The following SSB variants were observed in gnomAD, a reference collection of about 807,000 sequenced individuals.
The protein encoded by SSB is small RNA binding exonuclease protection factor La, also known as lupus La protein.
SSB carries 17 observed loss-of-function variants against 52.9 expected under a neutral mutation model. That is an observed-to-expected ratio of 0.32 (90% CI 0.22 to 0.48). SSB has a LOEUF of 0.48. Ranked by LOEUF, SSB falls within the 20% of genes least tolerant of loss-of-function variation. The pLI is 0.99. For missense variants in SSB, 314 were observed against 463.6 expected (o/e 0.68, Z 2.96); for synonymous variants, 111 against 152.1 (o/e 0.73, Z 1.99).
chr2:169,804,795 T>A (rs565454164), intron 2 of SSB, among the ~76,000 whole-genome samples: 1 of 150,278 alleles, frequency 6.7e-6, no homozygotes, highest in East Asian at 2.0e-4. Context: ...GTGCAGGGAT[T>A]ACAGGCGTGC....
intron 9 of SSB, 173 bp from the exon 10 acceptor site, chr2:169,810,685 T>C (rs1453593615): frequency 1.4e-6 from 1 of 689,874 alleles, no homozygotes; most frequent in Non-Finnish European, 2.4e-6. Context: ...CTGTTCATAC[T>C]GATGATTGCA....
In SSB at chr2:169,798,919, C is replaced by CGTTGCT. The variant is rs1304038128; in HGVS notation, c.-57_-52dup. The CGTTGCT allele has an allele frequency of 1.3e-5, 2 of 152,230 alleles. No homozygotes were observed. Among genetic ancestry groups the CGTTGCT allele is most frequent in the Admixed American group, 1.3e-4 (2 of 15,252 alleles). 9.4% of individuals were successfully genotyped at this position (152,230 alleles called of 1,614,324 possible). ...GGCCGGCGGCGCTGGGAGGTGGAGT[C>CGTTGCT]GTTGCTGTTGCTGTTTGTGAGCCTG... On this transcript the variant is annotated 5_prime_UTR_variant, in exon 1 of 12. Coordinates refer to ENST00000260956, the MANE Select transcript of SSB (RefSeq NM_003142.5).
chr2:169,807,189 C>T (rs1689847416), intron 6 of SSB, 118 bp downstream of exon 6: 3 of 752,644 alleles, frequency 4.0e-6, no homozygotes, highest in Non-Finnish European at 6.7e-6. Flanking sequence ...TTTAGATGAC[C>T]TTTGAGAAAT....
At chr2:169,799,870 G>T (rs1414525324) in intron 1 of SSB, among the ~76,000 whole-genome samples, 1 of 152,076 alleles carries the variant, frequency 6.6e-6, no homozygotes, top group African/African-American at 2.4e-5. Flanking sequence ...CAATATTCTC[G>T]ATGATTTGTT....
At chr2:169,802,409 G>T (rs1305403609) in intron 2 of SSB, among the ~76,000 whole-genome samples, 3 of 149,458 alleles carry the variant, frequency 2.0e-5, no homozygotes, top group Non-Finnish European at 4.4e-5. Context: ...GCAATTCTCA[G>T]AACTGCTTTT....
chr2:169,800,192 C>T (rs942366381), intron 1 of SSB, among the ~76,000 whole-genome samples: 2 of 152,104 alleles, frequency 1.3e-5, no homozygotes, highest in African/African-American at 4.8e-5. Flanking sequence ...GTTATGATGT[C>T]TAACTTGGTA....
intron 9 of SSB, 182 bp downstream of exon 9, chr2:169,810,605 T>A: frequency 1.4e-6 from 1 of 692,426 alleles, no homozygotes; most frequent in Non-Finnish European, 2.4e-6. Flanking sequence ...AGTTTCTACT[T>A]GATCATTTAC....
chr2:169,800,637 T>C (rs1333531792), intron 1 of SSB, among the ~76,000 whole-genome samples: 1 of 151,610 alleles, frequency 6.6e-6, no homozygotes, highest in African/African-American at 2.4e-5. Flanking sequence ...TGGAAATGGT[T>C]GGTAAGTGAT....
chr2:169,810,783 A>G, intron 9 of SSB, 75 bp from the exon 10 acceptor site: 1 of 1,448,944 alleles, frequency 6.9e-7, no homozygotes, highest in South Asian at 1.3e-5. Flanking sequence ...GGTAGAAAAA[A>G]TTACTTTGGA....
chr2:169,807,288 TTC>T (rs1689848968), intron 6 of SSB, among the ~76,000 whole-genome samples: 1 of 152,050 alleles, frequency 6.6e-6, no homozygotes, highest in Non-Finnish European at 1.5e-5. Context: ...CAATTTTTTT[TTC>T]TTTTTCTTTT....
intron 6 of SSB, 74 bp downstream of exon 6, chr2:169,807,145 T>C: frequency 8.1e-7 from 1 of 1,231,906 alleles, no homozygotes; most frequent in South Asian, 1.3e-5. Context: ...AGCATGGAAG[T>C]AGTATCCCCT....
At chr2:169,805,340 G>A (rs1038485730) in intron 2 of SSB, 134 bp from the exon 3 acceptor site, 4 of 617,642 alleles carry the variant, frequency 6.5e-6, no homozygotes, top group Non-Finnish European at 1.1e-5. Flanking sequence ...AAACATTATT[G>A]TATATTTGGG....
Position 169,806,965 on chromosome 2 carries a change from T to C in SSB, c.454-6T>C. On this transcript the variant is annotated splice_polypyrimidine_tract_variant and splice_region_variant and intron_variant, in intron 5 of 11. Transcript: ENST00000260956. ...CTTAAAAAAATATTTTCCTTCCTTT[T>C]TACAGGGATCAATTTTTGTTGTGTT... The C allele has an allele frequency of 6.2e-7, 1 of 1,613,082 alleles. No homozygotes were observed. Among genetic ancestry groups the C allele is most frequent in the East Asian group, 2.2e-5 (1 of 44,808 alleles).
intron 7 of SSB, 77 bp downstream of exon 7, chr2:169,808,630 A>G (rs956428225): frequency 2.4e-5 from 32 of 1,347,230 alleles, no homozygotes; most frequent in Non-Finnish European, 3.1e-5. Context: ...TGAGCTCTGA[A>G]ATAGTGGCAG....
chr2:169,808,984 AAAAT>A, intron 8 of SSB, 82 bp downstream of exon 8: 1 of 1,112,134 alleles, frequency 9.0e-7, no homozygotes, highest in Non-Finnish European at 1.4e-6. Flanking sequence ...CTTTTTCAAG[AAAAT>A]ACGTAAGCAA....
intron 2 of SSB, among the ~76,000 whole-genome samples, chr2:169,805,120 ACT>A (rs141411505): frequency 0.058 from 8,826 of 151,970 alleles, 296 homozygotes; most frequent in East Asian, 0.1. Context: ...ACAGAGTAAG[ACT>A]CTGTCTCAAA....
intron 9 of SSB, 87 bp downstream of exon 9, chr2:169,810,510 TTG>T: frequency 3.2e-6 from 4 of 1,250,064 alleles, no homozygotes; most frequent in Non-Finnish European, 3.3e-6. Flanking sequence ...ATTTTAAAAA[TTG>T]TGTTTATTAA....
chr2:169,805,575 C>T lies in SSB; in HGVS notation c.168C>T (p.Asn56=). 6.2e-7 allele frequency: 1 copy of T among 1,613,320 alleles called. No homozygotes were observed. The highest frequency in any genetic ancestry group is 1.1e-5 in the South Asian group (1 of 90,988). ...CTTTGGAGATAATGATAAAATTCAA[C>T]AGGTAACAAGCTTTTAAAAATAATC... ...WVPLEIMIKF[N]RLNRLTTDFN... is the part of the protein sequence containing the mutation. The change falls in exon 3 of 12, where the codon AAC becomes AAT. Residue 56 remains asparagine, a splice_region_variant and synonymous_variant. Transcript: ENST00000260956.
In SSB at chr2:169,811,981, C is replaced by A. The variant is rs11690; in HGVS notation, c.*225C>A. 32,701 of 1,153,190 alleles carry A rather than the reference C, an allele frequency of 0.028. 948 individuals carry two copies. Among genetic ancestry groups the A allele is most frequent in the African/African-American group, 0.14 (8,675 of 63,744 alleles). The allele number at this position is 1,153,190 out of a possible 1,614,324, so 71.4% of individuals were successfully genotyped here. On this transcript the variant is annotated 3_prime_UTR_variant, in exon 12 of 12. Transcript: ENST00000260956. ...TGATTCAAATATCAAAAGGAAGATT[C>A]TTCCATTAAATTGCCTTTGTAATAT... is the stretch of plus-strand genomic sequence containing the variant.
Sources: allele counts gnomAD v4.1 joint callset (sites outside exome capture counted in the v4.1 genomes callset), GRCh38; gene constraint gnomAD v4.1.1; transcripts MANE v1.5; gene names NCBI Gene and HGNC (gene_info 2026-07-23, HGNC 2026-07-21).